Variants in KCNQ1 observed in about 807,000 individuals in gnomAD.
The protein encoded by KCNQ1 is potassium voltage-gated channel subfamily Q member 1.
In KCNQ1, 49 loss-of-function variants were observed where a neutral mutation model predicts 72.4. The observed-to-expected ratio is 0.68, with a 90% CI of 0.54 to 0.86. The LOEUF (loss-of-function observed/expected upper bound fraction) is 0.86. KCNQ1 is among the 40% of genes least tolerant of loss of function. KCNQ1 has a pLI of 0.00. For synonymous variants in KCNQ1, 450 were observed against 412.6 expected (o/e 1.09, Z -1.10); for missense variants, 790 against 945.1 (o/e 0.84, Z 2.15).
rs1846215164 is a variant in KCNQ1, at chr11:2,457,578, A to G, written c.386+12094A>G. ...ATTATAAGTGAGGGCTAAACATCAA[A>G]TCCATGTGGACATAATGATGAGAAC... On this transcript the variant is annotated intron_variant, in intron 1 of 15. Coordinates refer to ENST00000155840, the MANE Select transcript of KCNQ1 (RefSeq NM_000218.3). The surrounding 1 kb of genome is among the most constrained non-coding windows in gnomAD (Gnocchi z 5.0). 1.3e-5 allele frequency among the ~76,000 whole-genome samples: 2 copies of G among 151,994 alleles called. No homozygotes were observed. The highest frequency in any genetic ancestry group is 4.8e-5 in the African/African-American group (2 of 41,312).
At chr11:2,744,639 T>C (rs1846109231) in intron 11 of KCNQ1, among the ~76,000 whole-genome samples, 2 of 152,242 alleles carry the variant, frequency 1.3e-5, no homozygotes. Context: ...ACCTTCATCC[T>C]AGAGCTTAGG....
At position 2,803,559 on chromosome 11, in the gene KCNQ1, A is replaced by AT. The variant is rs1564899320; in HGVS notation, c.1794+25523dup. Among the ~76,000 whole-genome samples the AT allele has an allele frequency of 1.3e-5, 2 of 152,160 alleles. No individual in the cohort carries two copies. The highest frequency in any genetic ancestry group is 1.3e-4 in the Admixed American group (2 of 15,296). ...GCAGGCACTGGCAGAGCTGGGGGTGATGGGGCTTCAGTGGAGCCCGCCAGG... is the reference window on the plus strand; with the variant it reads ...GCAGGCACTGGCAGAGCTGGGGGTGATTGGGGCTTCAGTGGAGCCCGCCAGG... On this transcript the variant is annotated intron_variant, in intron 15 of 15. Transcript: ENST00000155840. The surrounding 1 kb of genome is among the most constrained non-coding windows in gnomAD (Gnocchi z 6.4).
intron 10 of KCNQ1, chr11:2,618,102 C>T: frequency 2.5e-6 from 1 of 398,392 alleles, no homozygotes. Flanking sequence ...AAATCACTGC[C>T]AGAGCCATGT....
At chr11:2,452,371 C>A (rs565277578) in intron 1 of KCNQ1, among the ~76,000 whole-genome samples, 196 of 152,240 alleles carry the variant, frequency 1.3e-3, no homozygotes, top group Non-Finnish European at 1.8e-3. Flanking sequence ...CCCAGCTGCA[C>A]TGGGACCCCT....
chr11:2,606,031 T>C (rs992458642), intron 10 of KCNQ1, among the ~76,000 whole-genome samples: 3 of 152,242 alleles, frequency 2.0e-5, no homozygotes, highest in Admixed American at 2.0e-4. Context: ...TTTTCTTTAT[T>C]ATGGTAAAAA....
At chr11:2,716,366 T>C (rs2133923579) in intron 11 of KCNQ1, among the ~76,000 whole-genome samples, 1 of 152,232 alleles carries the variant, frequency 6.6e-6, no homozygotes, top group Admixed American at 6.5e-5. Context: ...TGGAGCTGCG[T>C]GGTCAGCTGG....
chr11:2,590,687 C>T (rs1848659871), intron 10 of KCNQ1, among the ~76,000 whole-genome samples: 1 of 152,246 alleles, frequency 6.6e-6, no homozygotes, highest in Admixed American at 6.5e-5. Context: ...GTCTCAGCCC[C>T]CTTCTTCCAT....
rs945684050 is a variant in KCNQ1 at position 2,746,869 on chromosome 11, C to T, written c.1515-21975C>T. On this transcript the variant is annotated intron_variant, in intron 11 of 15. Coordinates refer to ENST00000155840, the MANE Select transcript of KCNQ1 (RefSeq NM_000218.3). This position sits in a 1 kb window ranked among gnomAD's most constrained non-coding sequence, Gnocchi z 5.9. ...GATCACACTGGTGACCCCTGTGAGC[C>T]CCACTGGGGACAGATCCAGGAAGGG... Among the ~76,000 whole-genome samples the T allele has an allele frequency of 6.6e-6, 1 of 152,226 alleles. No individual in the cohort carries two copies. Among genetic ancestry groups the T allele is most frequent in the African/African-American group, 2.4e-5 (1 of 41,460 alleles).
At position 2,603,660 on chromosome 11, in the gene KCNQ1, A is replaced by C. The variant is rs114404527; in HGVS notation, c.1393+14806A>C. Among the ~76,000 whole-genome samples the C allele has an allele frequency of 0.036, 5,501 of 152,168 alleles. 301 individuals are homozygous for C. Among genetic ancestry groups the C allele is most frequent in the African/African-American group, 0.12 (4,949 of 41,492 alleles). ...CCTTTGTGACTGGTTACTTTCACTT[A>C]GCATCATGTTTTCAAGGTTTGTGCT... On this transcript the variant is annotated intron_variant, in intron 10 of 15. Transcript: ENST00000155840. The surrounding 1 kb of genome is among the most constrained non-coding windows in gnomAD (Gnocchi z 4.1).
chr11:2,774,620 T>G (rs1846658856), intron 12 of KCNQ1, among the ~76,000 whole-genome samples: 1 of 152,162 alleles, frequency 6.6e-6, no homozygotes, highest in South Asian at 2.1e-4. Flanking sequence ...CTGTAAGAAC[T>G]CCACCAAGCC....
In KCNQ1 at chr11:2,735,434, A is replaced by C. The variant is rs1303622189; in HGVS notation, c.1515-33410A>C. On this transcript the variant is annotated intron_variant, in intron 11 of 15. Coordinates refer to ENST00000155840, the MANE Select transcript of KCNQ1 (RefSeq NM_000218.3). This position sits in a 1 kb window ranked among gnomAD's most constrained non-coding sequence, Gnocchi z 7.7. ...GCCCAACCACTGCTTGCTCCTTCCC[A>C]CCCCTCCTAGGCCAGGGATGCCTGA... is the stretch of plus-strand genomic sequence containing the variant. 8.5e-5 allele frequency among the ~76,000 whole-genome samples: 11 copies of C among 129,490 alleles called. No homozygotes were observed. Among genetic ancestry groups the C allele is most frequent in the African/African-American group, 1.2e-4 (4 of 33,466 alleles). 85.0% of individuals were successfully genotyped at this position (129,490 alleles called of 152,430 possible).
chr11:2,615,504 T>G (rs1428153074), intron 10 of KCNQ1: 6 of 395,672 alleles, frequency 1.5e-5, no homozygotes, highest in Non-Finnish European at 2.7e-5. Flanking sequence ...AATTTTTCAG[T>G]TTTTTTTCTC....
intron 2 of KCNQ1, among the ~76,000 whole-genome samples, chr11:2,540,639 G>T (rs1847809227): frequency 6.6e-6 from 1 of 152,176 alleles, no homozygotes; most frequent in Admixed American, 6.5e-5. Flanking sequence ...GTGTCTTTAG[G>T]ACCCTGGCAA....
At chr11:2,546,592 C>A (rs1847905026) in intron 2 of KCNQ1, among the ~76,000 whole-genome samples, 1 of 151,934 alleles carries the variant, frequency 6.6e-6, no homozygotes, top group African/African-American at 2.4e-5. Flanking sequence ...TCTCTTTATT[C>A]TTCAGTTCTT....
chr11:2,589,423 C>T (rs557119958), intron 10 of KCNQ1, among the ~76,000 whole-genome samples: 34 of 152,344 alleles, frequency 2.2e-4, no homozygotes, highest in East Asian at 1.2e-3. Flanking sequence ...CTACCTTCTG[C>T]GGGACCTGAC....
At chr11:2,639,385 G>A (rs555348228) in intron 10 of KCNQ1, 27 of 152,332 alleles carry the variant, frequency 1.8e-4, no homozygotes, top group African/African-American at 6.3e-4. Context: ...TATAGATGGA[G>A]TTTTGGTGTG....
At chr11:2,584,459 G>A (rs1279257090) in intron 7 of KCNQ1, among the ~76,000 whole-genome samples, 1 of 151,090 alleles carries the variant, frequency 6.6e-6, no homozygotes, top group East Asian at 1.9e-4. Flanking sequence ...GTTTGTGTGT[G>A]TATGTTAGTG....
At chr11:2,632,253 G>T in intron 10 of KCNQ1, 1 of 395,226 alleles carries the variant, frequency 2.5e-6, no homozygotes, top group Non-Finnish European at 4.5e-6. Context: ...CTACTTTGCT[G>T]AATTAATTTA....
Position 2,647,358 on chromosome 11 carries a change from G to A in KCNQ1, c.1394-14603G>A, listed in dbSNP as rs766246219. 5.5e-5 allele frequency: 22 copies of A among 398,350 alleles called. No individual in the cohort carries two copies. Among genetic ancestry groups the A allele is most frequent in the Non-Finnish European group, 8.0e-5 (18 of 226,030 alleles). The allele number at this position is 398,350 out of a possible 1,614,324, so 24.7% of individuals were successfully genotyped here. A position where few individuals can be genotyped will look rare whatever the true frequency, so the allele number is the denominator to read the frequency against. On this transcript the variant is annotated intron_variant, in intron 10 of 15. Transcript: ENST00000155840. The surrounding 1 kb of genome is among the most constrained non-coding windows in gnomAD (Gnocchi z 4.0). ...TTATGGTGTATTATCTTTTTGATGT[G>A]CGATTGGATTCAGATTGCTAGTTTG...
Sources: gnomAD v4.1 joint callset for allele counts (sites outside exome capture counted in the v4.1 genomes callset) on GRCh38, gnomAD v4.1.1 for gene constraint, Gnocchi (gnomAD v3.1) non-coding constraint, MANE v1.5 for transcripts, NCBI Gene and HGNC (gene_info 2026-07-23, HGNC 2026-07-21) for gene names.